XYLT1: variants seen among roughly 807,000 people sequenced by gnomAD.
XYLT1 encodes the protein xylosyltransferase 1.
In XYLT1, 36 loss-of-function variants were observed where a neutral mutation model predicts 91.3. The ratio of observed to expected loss-of-function variants is 0.39; its 90% CI spans 0.30 to 0.52. The LOEUF is 0.52. Ranked by LOEUF, XYLT1 falls within the 20% of genes least tolerant of loss-of-function variation. The pLI is 0.68. For missense variants in XYLT1, 1,242 were observed against 1,284.5 expected, an observed-to-expected ratio of 0.97 and a Z score of 0.51; for synonymous variants, 588 against 532.0, an observed-to-expected ratio of 1.11 and a Z score of -1.45.
intron 3 of XYLT1, among the ~76,000 whole-genome samples, chr16:17,253,943 G>C (rs569897800): frequency 6.6e-6 from 1 of 151,924 alleles, no homozygotes; most frequent in Admixed American, 6.6e-5. Flanking sequence ...AGAGGGACAG[G>C]CTTATGGAAA....
rs140066718 is a variant in XYLT1, at chr16:17,134,310, G to A, written c.2027+163C>T. 6.8e-3 allele frequency among the ~76,000 whole-genome samples: 1,041 copies of A among 152,224 alleles called. 4 individuals are homozygous for A. Among genetic ancestry groups the A allele is most frequent in the Non-Finnish European group, 9.7e-3 (660 of 68,002 alleles). ...AGCTTGGATTGGAAATGCCACGCAC[G>A]CTAGGAGGGTGGCGTTAGATGAGTT... is the stretch of plus-strand genomic sequence containing the variant. On this transcript the variant is annotated intron_variant, in intron 9 of 11. Coordinates refer to ENST00000261381, the MANE Select transcript of XYLT1 (RefSeq NM_022166.4).
intron 2 of XYLT1, among the ~76,000 whole-genome samples, chr16:17,278,890 T>C (rs2034017124): frequency 6.6e-6 from 1 of 152,206 alleles, no homozygotes; most frequent in Non-Finnish European, 1.5e-5. Flanking sequence ...AAGATCCTCC[T>C]GAGCTCTGCA....
At chr16:17,338,552 T>C (rs1412938978) in intron 2 of XYLT1, 4 of 455,540 alleles carry the variant, frequency 8.8e-6, no homozygotes, top group Admixed American at 2.4e-5. Context: ...GGCTCAATAT[T>C]TTCATCTCTG....
intron 2 of XYLT1, among the ~76,000 whole-genome samples, chr16:17,343,475 A>T (rs191944940): frequency 6.6e-6 from 1 of 152,186 alleles, no homozygotes; most frequent in East Asian, 1.9e-4. Flanking sequence ...TAAAATGAAA[A>T]AAAAGAATAA....
intron 1 of XYLT1, among the ~76,000 whole-genome samples, chr16:17,425,098 C>T (rs2036299265): frequency 1.3e-5 from 2 of 152,110 alleles, no homozygotes; most frequent in African/African-American, 2.4e-5. Context: ...GTCTTGGGGA[C>T]GGTTCCCAAC....
chr16:17,464,473 C>T (rs2036861390), intron 1 of XYLT1, among the ~76,000 whole-genome samples: 1 of 118,044 alleles, frequency 8.5e-6, no homozygotes, highest in Admixed American at 9.4e-5. Context: ...GGCCGGGCAA[C>T]AGAGCAAAAC....
chr16:17,306,539 A>T (rs1196729080), intron 2 of XYLT1, among the ~76,000 whole-genome samples: 1 of 149,678 alleles, frequency 6.7e-6, no homozygotes, highest in Non-Finnish European at 1.5e-5. Context: ...TGGGTGACAG[A>T]GTGAGACTGT....
At chr16:17,226,911 C>T (rs1597206268) in intron 3 of XYLT1, 1 of 152,346 alleles carries the variant, frequency 6.6e-6, no homozygotes, top group Non-Finnish European at 1.5e-5. Context: ...GCCTCAGTTT[C>T]CACATGTGCA....
At chr16:17,466,071 C>A (rs955929319) in intron 1 of XYLT1, among the ~76,000 whole-genome samples, 1 of 152,154 alleles carries the variant, frequency 6.6e-6, no homozygotes, top group Non-Finnish European at 1.5e-5. Flanking sequence ...TTCCCACACC[C>A]CTTCCTTAGA....
chr16:17,438,576 G>A (rs79448767), intron 1 of XYLT1, among the ~76,000 whole-genome samples: 6 of 152,198 alleles, frequency 3.9e-5, no homozygotes, highest in South Asian at 4.1e-4. Flanking sequence ...GTTCATTCCC[G>A]CATCCCTAGA....
chr16:17,394,520 C>G (rs1596522731), intron 1 of XYLT1, among the ~76,000 whole-genome samples: 1 of 152,360 alleles, frequency 6.6e-6, no homozygotes, highest in East Asian at 1.9e-4. Context: ...TCCATCCTCA[C>G]TGACATACAG....
intron 1 of XYLT1, among the ~76,000 whole-genome samples, chr16:17,385,269 T>TACAC (rs566134163): frequency 0.055 from 6,554 of 119,884 alleles, 203 homozygotes; most frequent in Middle Eastern, 0.13. Flanking sequence ...TAAACACACA[T>TACAC]ACACACACAC....
intron 5 of XYLT1, among the ~76,000 whole-genome samples, chr16:17,173,430 T>G (rs1241915343): frequency 6.6e-6 from 1 of 152,274 alleles, no homozygotes; most frequent in Non-Finnish European, 1.5e-5. Flanking sequence ...CTTCCCTCTA[T>G]GCATTAAGAG....
intron 5 of XYLT1, among the ~76,000 whole-genome samples, chr16:17,170,323 T>C (rs1164033185): frequency 6.6e-6 from 1 of 152,250 alleles, no homozygotes; most frequent in Non-Finnish European, 1.5e-5. Flanking sequence ...GTTGCTTGAC[T>C]GTAAGCTACC....
intron 1 of XYLT1, among the ~76,000 whole-genome samples, chr16:17,405,476 C>T (rs1024594630): frequency 5.3e-5 from 8 of 152,194 alleles, no homozygotes; most frequent in African/African-American, 1.9e-4. Flanking sequence ...ACAGCCAGCC[C>T]TTGTTCTCAC....
chr16:17,379,757 T>TCA (rs1240413974), intron 1 of XYLT1, among the ~76,000 whole-genome samples: 4 of 129,922 alleles, frequency 3.1e-5, no homozygotes, highest in Non-Finnish European at 6.4e-5. Context: ...TCTCTCTCTC[T>TCA]CTCTCTCACA....
At chr16:17,468,056 C>G (rs1029451471) in intron 1 of XYLT1, among the ~76,000 whole-genome samples, 1 of 152,150 alleles carries the variant, frequency 6.6e-6, no homozygotes, top group South Asian at 2.1e-4. Flanking sequence ...CTATTGCTTG[C>G]GAAAAGGTCT....
At chr16:17,157,541 A>G (rs949036573) in intron 6 of XYLT1, among the ~76,000 whole-genome samples, 1 of 152,188 alleles carries the variant, frequency 6.6e-6, no homozygotes, top group Non-Finnish European at 1.5e-5. Context: ...AGAAATCTGG[A>G]TTTTCATAGG....
Position 17,259,125 on chromosome 16 carries a change from A to G in XYLT1, c.776T>C (p.Ile259Thr), listed in dbSNP as rs1239548182. 6.3e-7 allele frequency: 1 copy of G among 1,579,778 alleles called. No individual in the cohort carries two copies. The highest frequency in any genetic ancestry group is 8.6e-7 in the Non-Finnish European group (1 of 1,163,438). ...TKYDQPPKCDISGKEAISALS... is the reference protein window; with the variant it reads ...TKYDQPPKCDTSGKEAISALS... Reference sequence around the variant, plus strand: ...GGCAGAGATGGCCTCCTTGCCTGAGATGTCACACTTAGGGGGCTGGTCATA... The same window carrying G: ...GGCAGAGATGGCCTCCTTGCCTGAGGTGTCACACTTAGGGGGCTGGTCATA... Residue 259 changes from isoleucine to threonine, a missense_variant, in exon 3 of 12, where the codon ATC becomes ACC. Ile to Thr is a moderately conservative substitution (Grantham distance 89). This residue lies in a region of XYLT1 where 437 missense variants were observed against 411.5 expected (regional missense o/e 1.06). Coordinates refer to ENST00000261381, the MANE Select transcript of XYLT1 (RefSeq NM_022166.4).
Sources: gnomAD v4.1 joint callset for allele counts (sites outside exome capture counted in the v4.1 genomes callset) on GRCh38, gnomAD v4.1.1 for gene constraint, gnomAD v4.1.1 regional missense constraint, MANE v1.5 for transcripts, NCBI Gene and HGNC (gene_info 2026-07-23, HGNC 2026-07-21) for gene names.